BLMH: variants seen among roughly 807,000 people sequenced by gnomAD.
BLMH encodes bleomycin hydrolase.
BLMH carries 32 observed loss-of-function variants against 61.6 expected under a neutral mutation model. That is an observed-to-expected ratio of 0.52 (90% CI 0.39 to 0.70). The LOEUF (loss-of-function observed/expected upper bound fraction) is 0.70, where lower values mean the gene tolerates loss of function less well. BLMH is among the 30% of genes least tolerant of loss of function. The pLI is 0.00. For synonymous variants in BLMH, 183 were observed against 193.8 expected (o/e 0.94, Z 0.46); for missense variants, 460 against 555.5 (o/e 0.83, Z 1.73).
intron 6 of BLMH, among the ~76,000 whole-genome samples, chr17:30,279,410 T>G (rs1362078435): frequency 6.6e-6 from 1 of 152,218 alleles, no homozygotes; most frequent in Non-Finnish European, 1.5e-5. Context: ...GTCTTCTGAT[T>G]AAGATTTTAT....
In BLMH at chr17:30,291,848, G is replaced by A. The variant is rs1410799292; in HGVS notation, c.-29C>T. On this transcript the variant is annotated 5_prime_UTR_variant, in exon 1 of 12. Coordinates refer to ENST00000261714, the MANE Select transcript of BLMH (RefSeq NM_000386.4). ...GCCCACGCTGCCCGGCGGGGTAACG[G>A]TAGCTTCCAGGGTCCTTGGGCGAGC... 3 of 1,340,914 alleles carry A rather than the reference G, an allele frequency of 2.2e-6. No homozygotes were observed. Among genetic ancestry groups the A allele is most frequent in the East Asian group, 2.8e-5 (1 of 35,274 alleles). The allele number at this position is 1,340,914 out of a possible 1,614,324, so 83.1% of individuals were successfully genotyped here.
At chr17:30,283,310 A>T (rs1908640020) in intron 6 of BLMH, among the ~76,000 whole-genome samples, 2 of 152,158 alleles carry the variant, frequency 1.3e-5, no homozygotes, top group South Asian at 4.1e-4. Flanking sequence ...GGAGGAAAAA[A>T]ATATGTGAAA....
chr17:30,264,732 T>C (rs16965656), intron 11 of BLMH, among the ~76,000 whole-genome samples: 12,830 of 152,234 alleles, frequency 0.084, 837 homozygotes, highest in African/African-American at 0.17. Context: ...AATCCAATTA[T>C]AGGAACCAAA....
intron 11 of BLMH, chr17:30,249,764 T>C (rs1907622498): frequency 6.6e-6 from 1 of 152,448 alleles, no homozygotes; most frequent in African/African-American, 2.4e-5. Context: ...AGTCAAATGA[T>C]AAAACAGTCC....
At chr17:30,285,697 T>TA (rs1183588459) in intron 5 of BLMH, among the ~76,000 whole-genome samples, 1 of 152,230 alleles carries the variant, frequency 6.6e-6, no homozygotes, top group Non-Finnish European at 1.5e-5. Context: ...TCCTCCAAAA[T>TA]ACTAGACGGA....
chr17:30,291,511 G>A lies in BLMH; in HGVS notation c.14-3C>T, dbSNP rs747383610. 1 of 1,613,452 alleles carries A rather than the reference G, an allele frequency of 6.2e-7. No homozygotes were observed. The highest frequency in any genetic ancestry group is 1.7e-5 in the Admixed American group (1 of 60,020). On this transcript the variant is annotated splice_polypyrimidine_tract_variant and splice_region_variant and intron_variant, in intron 1 of 11. Transcript: ENST00000261714. ...AGCTACCTTCTCCGAATTCAGTCCT[G>A]TTGGGAGACCAAACAGGATTTTAAC...
chr17:30,272,625 C>CA lies in BLMH; in HGVS notation c.963dup (p.Val322CysfsTer6). The CA allele has an allele frequency of 6.2e-7, 1 of 1,614,160 alleles. No homozygotes were observed. Among genetic ancestry groups the CA allele is most frequent in the Non-Finnish European group, 8.5e-7 (1 of 1,180,038 alleles). On this transcript the variant is annotated frameshift_variant, in exon 9 of 12. Coordinates refer to ENST00000261714, the MANE Select transcript of BLMH (RefSeq NM_000386.4). LOFTEE classifies it high-confidence loss of function. ...TTTCCAACATCACAGCCAAACCACA[C>CA]AGCCTAGAAACAGAAGAAAGAGGAA...
intron 6 of BLMH, among the ~76,000 whole-genome samples, chr17:30,277,113 T>C (rs543787484): frequency 1.3e-5 from 2 of 152,334 alleles, no homozygotes; most frequent in South Asian, 4.1e-4. Flanking sequence ...GTCATTTTGT[T>C]TTGTTCTGTT....
chr17:30,253,790 G>T (rs1567830528), intron 11 of BLMH, among the ~76,000 whole-genome samples: 1 of 152,312 alleles, frequency 6.6e-6, no homozygotes, highest in East Asian at 1.9e-4. Context: ...ATTAAATTTT[G>T]TTTAAACTTT....
intron 6 of BLMH, among the ~76,000 whole-genome samples, chr17:30,281,163 T>G (rs1018107487): frequency 6.6e-6 from 1 of 151,082 alleles, no homozygotes. Flanking sequence ...AGGCATTAAA[T>G]GTTTTCGGGC....
At chr17:30,279,478 T>C (rs959140227) in intron 6 of BLMH, among the ~76,000 whole-genome samples, 5 of 152,238 alleles carry the variant, frequency 3.3e-5, no homozygotes, top group African/African-American at 1.2e-4. Context: ...GGATTATATA[T>C]AGTCCCTTTC....
chr17:30,249,326 T>C, intron 11 of BLMH, 158 bp from the exon 12 acceptor site: 1 of 844,712 alleles, frequency 1.2e-6, no homozygotes, highest in Non-Finnish European at 1.8e-6. Context: ...TTAGCAATTC[T>C]GTGAAGCAGA....
At position 30,249,058 on chromosome 17, in the gene BLMH, T is replaced by C. The variant is rs1050565; in HGVS notation, c.1327A>G (p.Ile443Val). ...VLAVLEQEPI[I>V]LPAWDPMGAL... Reference sequence around the variant, plus strand: ...CCCATGGGGTCCCATGCTGGCAGGATAATGGGTTCCTGCTCTAACACAGCT... The same window carrying C: ...CCCATGGGGTCCCATGCTGGCAGGACAATGGGTTCCTGCTCTAACACAGCT... Residue 443 changes from isoleucine (I) to valine (V), a missense_variant, in exon 12 of 12, where the codon ATC becomes GTC. Coordinates refer to ENST00000261714, the MANE Select transcript of BLMH (RefSeq NM_000386.4). 507,470 of 1,613,660 alleles carry C rather than the reference T, an allele frequency of 0.31. 81,680 individuals are homozygous for C. The highest frequency in any genetic ancestry group is 0.35 in the Admixed American group (20,777 of 59,962).
intron 11 of BLMH, among the ~76,000 whole-genome samples, chr17:30,256,735 CA>C (rs925908519): frequency 5.4e-5 from 7 of 130,838 alleles, no homozygotes; most frequent in Non-Finnish European, 6.7e-5. Flanking sequence ...AAAAAAAAAA[CA>C]AAAAAAAAAG....
intron 6 of BLMH, among the ~76,000 whole-genome samples, chr17:30,278,933 G>A (rs1908501344): frequency 6.6e-6 from 1 of 152,204 alleles, no homozygotes; most frequent in African/African-American, 2.4e-5. Flanking sequence ...CCAGAGTGCT[G>A]GGATTATAGG....
intron 6 of BLMH, among the ~76,000 whole-genome samples, chr17:30,282,730 A>G (rs1908626446): frequency 6.6e-6 from 1 of 152,254 alleles, no homozygotes; most frequent in African/African-American, 2.4e-5. Flanking sequence ...TGATTAAGCC[A>G]TCATTTTGAC....
intron 6 of BLMH, among the ~76,000 whole-genome samples, chr17:30,283,003 C>T (rs929082976): frequency 1.3e-5 from 2 of 152,082 alleles, no homozygotes; most frequent in African/African-American, 4.8e-5. Flanking sequence ...AATCTCTACA[C>T]AATTTTTTTA....
At chr17:30,287,730 A>G in intron 4 of BLMH, 76 bp downstream of exon 4, 12 of 1,539,390 alleles carry the variant, frequency 7.8e-6, no homozygotes, top group Non-Finnish European at 1.1e-5. Flanking sequence ...ACAACCACCA[A>G]AGAATTGGCC....
Position 30,271,381 on chromosome 17 carries a change from G to A in BLMH, c.1036C>T (p.His346Tyr). The A allele has an allele frequency of 6.2e-7, 1 of 1,611,748 alleles. No individual in the cohort carries two copies. Among genetic ancestry groups the A allele is most frequent in the Non-Finnish European group, 8.5e-7 (1 of 1,177,894 alleles). Residue 346 changes from histidine to tyrosine, a missense_variant, in exon 10 of 12, where the codon CAT becomes TAT. Physicochemically the swap from His to Tyr is moderately conservative, Grantham distance 83. Coordinates refer to ENST00000261714, the MANE Select transcript of BLMH (RefSeq NM_000386.4). ...AAGGAGACACCAAACACTAACTCATGGTCATAGCTGTAAAAAGAATGATAG... is the reference window on the plus strand; with the variant it reads ...AAGGAGACACCAAACACTAACTCATAGTCATAGCTGTAAAAAGAATGATAG... ...LGLSDMNLYD[H>Y]ELVFGVSLKN...
Sources: gnomAD v4.1 joint callset for allele counts (sites outside exome capture counted in the v4.1 genomes callset) on GRCh38, gnomAD v4.1.1 for gene constraint, MANE v1.5 for transcripts, NCBI Gene and HGNC (gene_info 2026-07-23, HGNC 2026-07-21) for gene names.